JAK2: variants seen among roughly 807,000 people sequenced by gnomAD.
The protein encoded by JAK2 is tyrosine-protein kinase JAK2.
In JAK2, 86 loss-of-function variants were observed where a neutral mutation model predicts 139.3. The ratio of observed to expected loss-of-function variants is 0.62; its 90% CI spans 0.52 to 0.74. The LOEUF (loss-of-function observed/expected upper bound fraction) is 0.74, where lower values mean the gene tolerates loss of function less well. Among genes scored for constraint, JAK2 ranks in the 30% least tolerant of loss-of-function variants. JAK2 has a pLI of 0.00. For synonymous variants in JAK2, 490 were observed against 437.7 expected, an observed-to-expected ratio of 1.12 and a Z score of -1.49; for missense variants, 1,421 against 1,360.3, an observed-to-expected ratio of 1.04 and a Z score of -0.70.
At chr9:5,019,715 G>A (rs1202070017) in intron 2 of JAK2, among the ~76,000 whole-genome samples, 4 of 152,106 alleles carry the variant, frequency 2.6e-5, no homozygotes, top group Non-Finnish European at 2.9e-5. Flanking sequence ...CTGAAGATTT[G>A]ACTGGGGTGT....
chr9:5,041,202 C>T, intron 4 of JAK2: 1 of 1,451,030 alleles, frequency 6.9e-7, no homozygotes, highest in Non-Finnish European at 9.5e-7. Flanking sequence ...GACGTGAAGC[C>T]CGAGAACTTC....
intron 2 of JAK2, among the ~76,000 whole-genome samples, chr9:5,012,339 T>C (rs1821756328): frequency 6.6e-6 from 1 of 152,208 alleles, no homozygotes; most frequent in African/African-American, 2.4e-5. Flanking sequence ...TTTTGTTTCT[T>C]TGACAATGCC....
At chr9:5,009,360 A>T (rs1022711968) in intron 2 of JAK2, among the ~76,000 whole-genome samples, 3 of 152,218 alleles carry the variant, frequency 2.0e-5, no homozygotes, top group African/African-American at 7.2e-5. Flanking sequence ...TACATCTGAT[A>T]CAGAATGGAA....
chr9:5,087,931 A>G (rs1341979042), intron 19 of JAK2, among the ~76,000 whole-genome samples: 1 of 152,250 alleles, frequency 6.6e-6, no homozygotes, highest in Non-Finnish European at 1.5e-5. Context: ...TCGTGTGACA[A>G]TATACAATAA....
chr9:5,045,442 C>T (rs1317192164), intron 5 of JAK2, among the ~76,000 whole-genome samples: 1 of 152,098 alleles, frequency 6.6e-6, no homozygotes, highest in African/African-American at 2.4e-5. Flanking sequence ...CCATTTTAAC[C>T]ATTTTAAGTG....
intron 22 of JAK2, among the ~76,000 whole-genome samples, chr9:5,104,329 T>A (rs1821778214): frequency 6.6e-6 from 1 of 152,104 alleles, no homozygotes; most frequent in African/African-American, 2.4e-5. Flanking sequence ...ATGGATAAAT[T>A]CCTGGACACA....
intron 22 of JAK2, among the ~76,000 whole-genome samples, chr9:5,105,100 GA>G (rs1320022203): frequency 6.6e-6 from 1 of 152,168 alleles, no homozygotes; most frequent in African/African-American, 2.4e-5. Context: ...ATTCAATTAG[GA>G]AAAGAGGAAG....
chr9:5,056,162 A>T (rs1315027000), intron 8 of JAK2, among the ~76,000 whole-genome samples: 1 of 152,136 alleles, frequency 6.6e-6, no homozygotes, highest in African/African-American at 2.4e-5. Context: ...TAATTAAAGG[A>T]GAAAAAATAA....
At chr9:5,010,217 A>G (rs1486964232) in intron 2 of JAK2, among the ~76,000 whole-genome samples, 3 of 152,152 alleles carry the variant, frequency 2.0e-5, no homozygotes, top group Non-Finnish European at 4.4e-5. Flanking sequence ...TCGTTTATAT[A>G]AACTTTTAAT....
intron 2 of JAK2, among the ~76,000 whole-genome samples, chr9:4,997,537 C>T (rs964673163): frequency 6.6e-6 from 1 of 152,158 alleles, no homozygotes; most frequent in Non-Finnish European, 1.5e-5. Context: ...CTAAACCATT[C>T]ATGAGAAATC....
intron 2 of JAK2, among the ~76,000 whole-genome samples, chr9:5,010,209 G>A (rs530034952): frequency 9.9e-5 from 15 of 152,138 alleles, no homozygotes; most frequent in East Asian, 9.6e-4. Context: ...CCATGAATTC[G>A]TTTATATAAA....
chr9:5,114,827 C>T, intron 22 of JAK2: 1 of 273,446 alleles, frequency 3.7e-6, no homozygotes, highest in Non-Finnish European at 7.2e-6. Flanking sequence ...CCTTCCTCCC[C>T]ACTAGGGCTC....
chr9:5,075,832 G>T (rs117569781), intron 14 of JAK2, among the ~76,000 whole-genome samples: 2 of 152,104 alleles, frequency 1.3e-5, no homozygotes, highest in Non-Finnish European at 1.5e-5. Context: ...TGATTCCTCT[G>T]GTGGATCTGG....
At chr9:5,041,489 A>ACAGAAG in intron 4 of JAK2, 1 of 590,166 alleles carries the variant, frequency 1.7e-6, no homozygotes, top group South Asian at 1.5e-5. Flanking sequence ...CATGAGCGGT[A>ACAGAAG]CAGAAGATCG....
At chr9:5,071,110 T>A (rs993540212) in intron 12 of JAK2, among the ~76,000 whole-genome samples, 3 of 152,184 alleles carry the variant, frequency 2.0e-5, no homozygotes, top group Non-Finnish European at 2.9e-5. Flanking sequence ...TTGGGCTTCA[T>A]TATACTACCT....
At chr9:5,041,353 C>T (rs945699375) in intron 4 of JAK2, 5 of 639,696 alleles carry the variant, frequency 7.8e-6, no homozygotes, top group Admixed American at 4.8e-5. Flanking sequence ...CGGCGTGCTA[C>T]ATGAGCATCA....
In JAK2 at chr9:5,128,890, G is replaced by C. The variant is rs1374024167; in HGVS notation, c.*2099G>C. 6.6e-6 allele frequency among the ~76,000 whole-genome samples: 1 copy of C among 151,896 alleles called. No homozygotes were observed. The highest frequency in any genetic ancestry group is 1.9e-4 in the East Asian group (1 of 5,192). On this transcript the variant is annotated 3_prime_UTR_variant, in exon 25 of 25. Transcript: ENST00000381652. ...AATATTCTTCAGAAACAAGGGTAAA[G>C]GTATTCTTAGAATTATGTAATTCTG... is the stretch of plus-strand genomic sequence containing the variant.
chr9:5,056,038 C>G (rs1325323711), intron 8 of JAK2, among the ~76,000 whole-genome samples: 9 of 151,964 alleles, frequency 5.9e-5, no homozygotes, highest in Non-Finnish European at 8.8e-5. Flanking sequence ...TAGCAAAGCA[C>G]CAGTTACTTT....
intron 22 of JAK2, among the ~76,000 whole-genome samples, chr9:5,093,546 T>C (rs544225001): frequency 6.6e-6 from 1 of 152,282 alleles, no homozygotes; most frequent in East Asian, 1.9e-4. Context: ...GCACTTTAAT[T>C]CATTAATGCA....
Sources: gnomAD v4.1 joint callset for allele counts (sites outside exome capture counted in the v4.1 genomes callset) on GRCh38, gnomAD v4.1.1 for gene constraint, MANE v1.5 for transcripts, NCBI Gene and HGNC (gene_info 2026-07-23, HGNC 2026-07-21) for gene names.